The following KCNAB1 variants were observed in gnomAD, a reference collection of about 807,000 sequenced individuals.
KCNAB1 encodes the protein potassium voltage-gated channel subfamily A regulatory beta subunit 1, also known as voltage-gated potassium channel subunit beta-1.
A neutral mutation model predicts 64.6 loss-of-function variants in KCNAB1; 35 were observed. The ratio of observed to expected loss-of-function variants is 0.54; its 90% CI spans 0.41 to 0.72. KCNAB1 has a LOEUF of 0.72. KCNAB1 is among the 30% of genes least tolerant of loss of function. The probability of loss-of-function intolerance (pLI) is 0.00; values close to 1 mark genes in which losing one functional copy is unlikely to be tolerated. For synonymous variants in KCNAB1, 177 were observed against 183.8 expected, an observed-to-expected ratio of 0.96 and a Z score of 0.30; for missense variants, 401 against 512.9, an observed-to-expected ratio of 0.78 and a Z score of 2.11.
intron 1 of KCNAB1, among the ~76,000 whole-genome samples, chr3:156,338,473 G>A (rs1723883619): frequency 6.6e-6 from 1 of 151,894 alleles, no homozygotes; most frequent in African/African-American, 2.4e-5. Flanking sequence ...AGCACACCCA[G>A]CAAATTTTTG....
chr3:156,219,692 C>CTTT (rs1349307914), intron 1 of KCNAB1, among the ~76,000 whole-genome samples: 20 of 131,708 alleles, frequency 1.5e-4, no homozygotes, highest in African/African-American at 5.6e-4. Context: ...AGGAAGGAAT[C>CTTT]TTTTTATTAT....
intron 1 of KCNAB1, among the ~76,000 whole-genome samples, chr3:156,281,848 TTCTC>T (rs1719747106): frequency 6.7e-6 from 1 of 149,622 alleles, no homozygotes; most frequent in African/African-American, 2.5e-5. Context: ...TATTTGATTC[TTCTC>T]TCTTTTTTTC....
In KCNAB1 at chr3:156,452,775, C is replaced by G. The variant is rs956288911; in HGVS notation, c.320-124C>G. 4 of 665,652 alleles carry G rather than the reference C, an allele frequency of 6.0e-6. No homozygotes were observed. The highest frequency in any genetic ancestry group is 1.1e-5 in the Non-Finnish European group (4 of 378,792). 41.2% of individuals were successfully genotyped at this position (665,652 alleles called of 1,614,324 possible). ...ACCACAGCCCACATGTGCCCCTCATCCAGGTACCTTTGTGAACTACCCATA... is the reference window on the plus strand; with the variant it reads ...ACCACAGCCCACATGTGCCCCTCATGCAGGTACCTTTGTGAACTACCCATA... On this transcript the variant is annotated intron_variant, in intron 2 of 13. Transcript: ENST00000490337. The surrounding 1 kb of genome is among the most constrained non-coding windows in gnomAD (Gnocchi z 4.6).
chr3:156,506,677 C>T (rs1457179337), intron 8 of KCNAB1, among the ~76,000 whole-genome samples: 2 of 152,162 alleles, frequency 1.3e-5, no homozygotes, highest in Non-Finnish European at 2.9e-5. Flanking sequence ...TGACTTGGCT[C>T]AGTGCATGAA....
chr3:156,362,911 G>A (rs947369897), intron 1 of KCNAB1, among the ~76,000 whole-genome samples: 4 of 152,200 alleles, frequency 2.6e-5, no homozygotes, highest in African/African-American at 7.2e-5. Flanking sequence ...CAACCCTGAT[G>A]AGCCCAGCTC....
At chr3:156,520,652 T>C (rs984694297) in intron 11 of KCNAB1, among the ~76,000 whole-genome samples, 7 of 152,108 alleles carry the variant, frequency 4.6e-5, no homozygotes, top group Non-Finnish European at 7.4e-5. Context: ...TGAATCAAAG[T>C]TGGGAGAGAG....
At chr3:156,494,518 G>A (rs1644788070) in intron 8 of KCNAB1, among the ~76,000 whole-genome samples, 1 of 152,158 alleles carries the variant, frequency 6.6e-6, no homozygotes, top group Non-Finnish European at 1.5e-5. Flanking sequence ...TAGCTTATGA[G>A]TGAAGGACAG....
chr3:156,213,275 G>A (rs1185223624), intron 1 of KCNAB1, among the ~76,000 whole-genome samples: 1 of 150,272 alleles, frequency 6.7e-6, no homozygotes, highest in Non-Finnish European at 1.5e-5. Flanking sequence ...CTGAAATGCA[G>A]TGGTGGGGTC....
At chr3:156,152,910 A>G (rs1715497992) in intron 1 of KCNAB1, among the ~76,000 whole-genome samples, 1 of 152,208 alleles carries the variant, frequency 6.6e-6, no homozygotes, top group Admixed American at 6.5e-5. Flanking sequence ...TCTTTGTAAC[A>G]TTCCATGCTA....
intron 7 of KCNAB1, among the ~76,000 whole-genome samples, chr3:156,470,968 T>A (rs1450103815): frequency 2.0e-5 from 3 of 152,162 alleles, no homozygotes; most frequent in African/African-American, 7.2e-5. Flanking sequence ...CAACCCAGCC[T>A]TTATAAAAGA....
intron 1 of KCNAB1, among the ~76,000 whole-genome samples, chr3:156,357,525 T>G (rs563602911): frequency 2.0e-4 from 30 of 152,302 alleles, no homozygotes; most frequent in African/African-American, 7.2e-4. Context: ...AGAGCCTATC[T>G]AATGCTTGGA....
intron 1 of KCNAB1, among the ~76,000 whole-genome samples, chr3:156,386,910 C>T (rs1038434497): frequency 2.6e-5 from 4 of 152,100 alleles, no homozygotes; most frequent in African/African-American, 9.7e-5. Flanking sequence ...GCCCAGCTTC[C>T]CTTTCATGTC....
intron 1 of KCNAB1, among the ~76,000 whole-genome samples, chr3:156,185,410 T>G (rs1419603225): frequency 1.3e-5 from 2 of 152,202 alleles, no homozygotes; most frequent in Non-Finnish European, 1.5e-5. Flanking sequence ...GAGGCACAAC[T>G]TTACCTCTAT....
intron 8 of KCNAB1, among the ~76,000 whole-genome samples, chr3:156,496,981 G>A (rs1188926348): frequency 6.6e-6 from 1 of 151,892 alleles, no homozygotes; most frequent in African/African-American, 2.4e-5. Context: ...GCCACTACTG[G>A]GTCAGCCTCA....
intron 1 of KCNAB1, among the ~76,000 whole-genome samples, chr3:156,213,331 C>T: frequency 6.6e-6 from 1 of 151,848 alleles, no homozygotes; most frequent in Non-Finnish European, 1.5e-5. Context: ...CAATTCTCTC[C>T]CTCAGCCTCT....
At chr3:156,530,085 G>C (rs1718591049) in intron 12 of KCNAB1, among the ~76,000 whole-genome samples, 1 of 152,190 alleles carries the variant, frequency 6.6e-6, no homozygotes, top group Non-Finnish European at 1.5e-5. Flanking sequence ...AAGAAGGTTG[G>C]GGCAGTATCT....
At position 156,526,562 on chromosome 3, in the gene KCNAB1, A is replaced by G. The variant is rs776502203; in HGVS notation, c.1081+2615A>G. ...CCAATTCAGGCTAGACACACGTTGC[A>G]TGCTCAATAGCCACGTGCTGCCAAA... On this transcript the variant is annotated intron_variant, in intron 12 of 13. Transcript: ENST00000490337. 2.6e-5 allele frequency among the ~76,000 whole-genome samples: 4 copies of G among 152,318 alleles called. No homozygotes were observed. In the East Asian group the frequency reaches 7.7e-4, roughly 29 times the overall value.
intron 1 of KCNAB1, among the ~76,000 whole-genome samples, chr3:156,238,608 G>A (rs1283720315): frequency 6.6e-6 from 1 of 152,062 alleles, no homozygotes; most frequent in Non-Finnish European, 1.5e-5. Context: ...TAGATTCATA[G>A]CCTCTTTGTT....
At chr3:156,447,087 C>T (rs1232594855) in intron 2 of KCNAB1, among the ~76,000 whole-genome samples, 1 of 152,242 alleles carries the variant, frequency 6.6e-6, no homozygotes, top group South Asian at 2.1e-4. Context: ...TCCAGATAAG[C>T]GCCTGGTGAG....
Sources: allele counts gnomAD v4.1 joint callset (sites outside exome capture counted in the v4.1 genomes callset), GRCh38; gene constraint gnomAD v4.1.1; non-coding constraint Gnocchi (gnomAD v3.1); transcripts MANE v1.5; gene names NCBI Gene and HGNC (gene_info 2026-07-23, HGNC 2026-07-21).